Variants in HOXA3 observed in about 807,000 individuals in gnomAD.
HOXA3 encodes the protein homeobox protein Hox-A3.
HOXA3 carries 8 observed loss-of-function variants against 30.3 expected under a neutral mutation model. The observed-to-expected ratio is 0.26, with a 90% CI of 0.15 to 0.48. The LOEUF (loss-of-function observed/expected upper bound fraction) is 0.48. HOXA3 is among the 20% of genes least tolerant of loss of function. The probability of loss-of-function intolerance (pLI) is 0.99; values close to 1 mark genes in which losing one functional copy is unlikely to be tolerated. For missense variants in HOXA3, 653 were observed against 614.4 expected, an observed-to-expected ratio of 1.06 and a Z score of -0.66; for synonymous variants, 323 against 273.1, an observed-to-expected ratio of 1.18 and a Z score of -1.80.
chr7:27,137,059 C>T (rs17427728), intron 2 of HOXA3, among the ~76,000 whole-genome samples: 1 of 152,324 alleles, frequency 6.6e-6, no homozygotes, highest in South Asian at 2.1e-4. Context: ...AGGGGGGAGG[C>T]TGAGAAGGGC....
At chr7:27,130,705 G>C (rs756347275) in intron 2 of HOXA3, 3 of 1,608,460 alleles carry the variant, frequency 1.9e-6, no homozygotes, top group Non-Finnish European at 2.5e-6. Flanking sequence ...GATGTAGTTG[G>C]AGTTTATCAA....
intron 1 of HOXA3, chr7:27,145,517 C>T: frequency 3.1e-6 from 3 of 960,366 alleles, no homozygotes; most frequent in Non-Finnish European, 4.7e-6. Flanking sequence ...AATGCACAGA[C>T]GCTTGCAAAG....
At chr7:27,129,367 T>C in intron 2 of HOXA3, 1 of 1,614,130 alleles carries the variant, frequency 6.2e-7, no homozygotes, top group Non-Finnish European at 8.5e-7. Flanking sequence ...GGGCAGTTTG[T>C]GGTCTTTCTT....
At chr7:27,114,159 G>C (rs1357720370) in intron 4 of HOXA3, among the ~76,000 whole-genome samples, 1 of 151,692 alleles carries the variant, frequency 6.6e-6, no homozygotes, top group East Asian at 2.0e-4. Context: ...AGGGGAGCTC[G>C]GCGGTGGCGG....
Position 27,108,421 on chromosome 7 carries a change from A to G in HOXA3, c.826T>C (p.Tyr276His). The G allele has an allele frequency of 1.2e-6, 2 of 1,612,986 alleles. No homozygotes were observed. Among genetic ancestry groups the G allele is most frequent in the Non-Finnish European group, 8.5e-7 (1 of 1,179,566 alleles). Residue 276 changes from tyrosine to histidine, a missense_variant, in exon 6 of 6, where the codon TAT becomes CAT. Physicochemically the swap from Tyr to His is moderately conservative, Grantham distance 83 (BLOSUM62 2). Coordinates refer to ENST00000612286, the MANE Select transcript of HOXA3 (RefSeq NM_153631.3). The surrounding 1 kb of genome is among the most constrained non-coding windows in gnomAD (Gnocchi z 5.0). ...RSPVPPGAGG[Y>H]LNSMHSLVNS... ...ACCAGCGAATGCATAGAGTTCAGAT[A>G]GCCACCGGCTCCGGGGGGCACGGGG...
intron 2 of HOXA3, among the ~76,000 whole-genome samples, chr7:27,134,785 C>G (rs2128056719): frequency 6.6e-6 from 1 of 152,330 alleles, no homozygotes; most frequent in Admixed American, 6.5e-5. Context: ...ATTTACTTTA[C>G]CACTGAACAT....
In HOXA3 at chr7:27,108,439, G is replaced by A. The variant is rs777588656; in HGVS notation, c.808C>T (p.Pro270Ser). ...TTCAGATAGCCACCGGCTCCGGGGG[G>A]CACGGGGCTGCGACTTGGAGACTGG... is the stretch of plus-strand genomic sequence containing the variant. ...GGQSPSRSPV[P>S]PGAGGYLNSM... Residue 270 changes from proline to serine, a missense_variant, in exon 6 of 6, where the codon CCC becomes TCC. Coordinates refer to ENST00000612286, the MANE Select transcript of HOXA3 (RefSeq NM_153631.3). The surrounding 1 kb of genome is among the most constrained non-coding windows in gnomAD (Gnocchi z 5.0). 6.2e-7 allele frequency: 1 copy of A among 1,613,874 alleles called. No individual in the cohort carries two copies. Among genetic ancestry groups the A allele is most frequent in the South Asian group, 1.1e-5 (1 of 91,084 alleles).
rs1181470504 is a variant in HOXA3 at position 27,152,429 on chromosome 7, G to A, written c.-635C>T. 8.7e-7 allele frequency: 1 copy of A among 1,152,568 alleles called. No homozygotes were observed. The highest frequency in any genetic ancestry group is 1.1e-6 in the Non-Finnish European group (1 of 921,340). The allele number at this position is 1,152,568 out of a possible 1,614,324, so 71.4% of individuals were successfully genotyped here. ...CGAGTTGCAAAGCTGCTGCCGCGGC[G>A]CCGGGAACGGAGCGCGCCCAATCTC... On this transcript the variant is annotated 5_prime_UTR_variant, in exon 1 of 6. Transcript: ENST00000612286.
chr7:27,143,751 G>T, intron 1 of HOXA3: 3 of 1,398,096 alleles, frequency 2.1e-6, no homozygotes, highest in Non-Finnish European at 2.8e-6. Context: ...TATGGGGTAC[G>T]ACTTCGAATC....
intron 4 of HOXA3, chr7:27,121,288 A>C (rs1785004877): frequency 6.6e-6 from 1 of 150,992 alleles, no homozygotes; most frequent in Non-Finnish European, 1.5e-5. Flanking sequence ...TTAACATGAG[A>C]TATTTCCTGT....
rs1470068161 is a variant in HOXA3 at position 27,108,357 on chromosome 7, A to G, written c.890T>C (p.Phe297Ser). Residue 297 changes from phenylalanine to serine, a missense_variant, in exon 6 of 6, where the codon TTC becomes TCC. Phe to Ser is a radical substitution (Grantham distance 155). This residue lies in a region of HOXA3 where 330 missense variants were observed against 274.4 expected (regional missense o/e 1.20). Transcript: ENST00000612286. The surrounding 1 kb of genome is among the most constrained non-coding windows in gnomAD (Gnocchi z 5.0). ...VPYEPQSPPP[F>S]SKPPQGTYGL... is the part of the protein sequence containing the mutation. ...GTAGGTACCCTGGGGGGGCTTGGAG[A>G]AGGGCGGGGGCGACTGGGGCTCATA... is the stretch of plus-strand genomic sequence containing the variant. The G allele has an allele frequency of 6.6e-7, 1 of 1,522,554 alleles. No homozygotes were observed. The highest frequency in any genetic ancestry group is 8.9e-7 in the Non-Finnish European group (1 of 1,121,468). The allele number at this position is 1,522,554 out of a possible 1,614,324, so 94.3% of individuals were successfully genotyped here. A position where few individuals can be genotyped will look rare whatever the true frequency, so the allele number is the denominator to read the frequency against.
intron 2 of HOXA3, chr7:27,129,444 G>A (rs754642946): frequency 2.5e-6 from 4 of 1,614,148 alleles, no homozygotes; most frequent in East Asian, 2.2e-5. Flanking sequence ...GCGTGTGGGC[G>A]ATCTCGATGC....
At chr7:27,130,355 C>A in intron 2 of HOXA3, 1 of 1,131,894 alleles carries the variant, frequency 8.8e-7, no homozygotes, top group Non-Finnish European at 1.1e-6. Context: ...AGGCCGTGCG[C>A]TGGGCCCTTG....
At position 27,113,909 on chromosome 7, in the gene HOXA3, G is replaced by A. The variant is rs1469732584; in HGVS notation, c.-120-3149C>T. The A allele has an allele frequency of 8.1e-6, 1 of 123,600 alleles. No individual in the cohort carries two copies. The highest frequency in any genetic ancestry group is 1.8e-5 in the Non-Finnish European group (1 of 55,386). 7.7% of individuals were successfully genotyped at this position (123,600 alleles called of 1,614,324 possible). On this transcript the variant is annotated intron_variant, in intron 4 of 5. Coordinates refer to ENST00000612286, the MANE Select transcript of HOXA3 (RefSeq NM_153631.3). This position sits in a 1 kb window ranked among gnomAD's most constrained non-coding sequence, Gnocchi z 4.8. ...CCCCTCCCCCACACCCCCGCCCCCT[G>A]CCCTTCCCGAGGGCAGCAGCCGCGG... is the stretch of plus-strand genomic sequence containing the variant.
intron 4 of HOXA3, among the ~76,000 whole-genome samples, chr7:27,117,945 C>G (rs530592586): frequency 5.3e-5 from 8 of 152,168 alleles, no homozygotes; most frequent in Non-Finnish European, 4.4e-5. Flanking sequence ...AGTGCCCCCT[C>G]CTTTACACCC....
chr7:27,142,924 G>A, intron 1 of HOXA3: 1 of 911,924 alleles, frequency 1.1e-6, no homozygotes, highest in Non-Finnish European at 1.6e-6. Flanking sequence ...ACGGCAAGGA[G>A]AGCTCCGCAG....
At position 27,141,991 on chromosome 7, in the gene HOXA3, G is replaced by A. The variant is rs1401075076; in HGVS notation, c.-493-1805C>T. 2.5e-6 allele frequency: 4 copies of A among 1,614,114 alleles called. No homozygotes were observed. In the African/African-American group the frequency reaches 5.3e-5, roughly 22 times the overall value. On this transcript the variant is annotated intron_variant, in intron 1 of 5. Coordinates refer to ENST00000612286, the MANE Select transcript of HOXA3 (RefSeq NM_153631.3). Reference sequence around the variant, plus strand: ...TTTCAATCCTCCTTCTGCGGGTCAGGTAACGGTTGAAGTGGAACTCCTTCT... The same window carrying A: ...TTTCAATCCTCCTTCTGCGGGTCAGATAACGGTTGAAGTGGAACTCCTTCT...
At chr7:27,145,622 G>T (rs1162571130) in intron 1 of HOXA3, 1 of 1,594,232 alleles carries the variant, frequency 6.3e-7, no homozygotes, top group Admixed American at 1.7e-5. Context: ...AAAGCCGAAG[G>T]AGGTTGCAGC....
chr7:27,110,344 GGGCGCGGCCTGGGGCGGC>G lies in HOXA3; in HGVS notation c.279_296del (p.Pro95_Pro100del), dbSNP rs1784293608. ...CGGGCTGAGGCGGCTGTGGGGCAGG[GGGCGCGGCCTGGGGCGGC>G]GGCGGGTGCAGGGGCGGCTCTCCCA... is the stretch of plus-strand genomic sequence containing the variant. On this transcript the variant is annotated inframe_deletion, in exon 5 of 6. Transcript: ENST00000612286. 4 of 1,510,182 alleles carry G rather than the reference GGGCGCGGCCTGGGGCGGC, an allele frequency of 2.6e-6. No individual in the cohort carries two copies. Among genetic ancestry groups the G allele is most frequent in the Non-Finnish European group, 2.6e-6 (3 of 1,133,704 alleles). 93.5% of individuals were successfully genotyped at this position (1,510,182 alleles called of 1,614,324 possible).
Sources: allele counts gnomAD v4.1 joint callset (sites outside exome capture counted in the v4.1 genomes callset), GRCh38; gene constraint gnomAD v4.1.1; regional missense constraint gnomAD v4.1.1; non-coding constraint Gnocchi (gnomAD v3.1); transcripts MANE v1.5; gene names NCBI Gene and HGNC (gene_info 2026-07-23, HGNC 2026-07-21).